Variants in NSD1 observed in about 807,000 individuals in gnomAD.
The protein encoded by NSD1 is histone-lysine N-methyltransferase, H3 lysine-36 specific.
NSD1 carries 26 observed loss-of-function variants against 242.7 expected under a neutral mutation model. The observed-to-expected ratio is 0.11, with a 90% CI of 0.08 to 0.15. NSD1 has a LOEUF of 0.15. NSD1 is among the 10% of genes least tolerant of loss of function. NSD1 has a pLI of 1.00. For missense variants in NSD1, 2,495 were observed against 3,272.8 expected, an observed-to-expected ratio of 0.76 and a Z score of 5.80; for synonymous variants, 1,106 against 1,178.1, an observed-to-expected ratio of 0.94 and a Z score of 1.25.
intron 22 of NSD1, among the ~76,000 whole-genome samples, chr5:177,292,938 T>A (rs1351882055): frequency 2.0e-5 from 3 of 152,180 alleles, no homozygotes; most frequent in Non-Finnish European, 2.9e-5. Context: ...TTGCAGAACG[T>A]TAAGAACTTT....
intron 5 of NSD1, among the ~76,000 whole-genome samples, chr5:177,213,717 C>T (rs149733401): frequency 0.018 from 2,780 of 152,210 alleles, 33 homozygotes; most frequent in Non-Finnish European, 0.028. Context: ...GTGATCCGCC[C>T]GCCTCCACCT....
intron 14 of NSD1, among the ~76,000 whole-genome samples, chr5:177,261,756 A>G (rs993794993): frequency 6.6e-6 from 1 of 152,198 alleles, no homozygotes; most frequent in African/African-American, 2.4e-5. Flanking sequence ...ACTATTTTCT[A>G]GTGATGAGAG....
intron 14 of NSD1, chr5:177,265,056 C>T: frequency 1.3e-6 from 1 of 758,336 alleles, no homozygotes; most frequent in Admixed American, 1.7e-5. Context: ...ATTAAGCACT[C>T]CTAAGAGCCA....
intron 2 of NSD1, among the ~76,000 whole-genome samples, chr5:177,167,781 G>A (rs571936295): frequency 1.3e-5 from 2 of 152,282 alleles, no homozygotes; most frequent in South Asian, 4.1e-4. Flanking sequence ...ATAGTAAGTC[G>A]AGCATCTGCA....
At chr5:177,192,360 G>C (rs761714352) in intron 3 of NSD1, among the ~76,000 whole-genome samples, 16 of 151,560 alleles carry the variant, frequency 1.1e-4, no homozygotes, top group Admixed American at 3.3e-4. Context: ...ACAGGCATCC[G>C]CCACCACGCT....
At chr5:177,156,542 C>G (rs575338828) in intron 2 of NSD1, among the ~76,000 whole-genome samples, 5 of 152,050 alleles carry the variant, frequency 3.3e-5, no homozygotes, top group African/African-American at 4.8e-5. Context: ...TGGCTTGGAG[C>G]GGTGGCTCAT....
In NSD1 at chr5:177,211,411, C is replaced by G; in HGVS notation, c.3012C>G (p.Asp1004Glu). ...SLPGLLSDKR[D>E]LPASGKSRSD... is the part of the protein sequence containing the mutation. ...CTGGCTTACTGTCCGACAAGAGAGA[C>G]CTCCCTGCTTCTGGTAAAAGTCGTT... The change falls in exon 5 of 23, where the codon GAC becomes GAG. Residue 1004 changes from aspartate (D) to glutamate (E), a missense_variant. Around this residue, in one of 19 missense-constraint regions of NSD1, gnomAD observed 426 missense variants for 411.4 expected, o/e 1.04. Coordinates refer to ENST00000439151, the MANE Select transcript of NSD1 (RefSeq NM_022455.5). 6.2e-7 allele frequency: 1 copy of G among 1,614,140 alleles called. No homozygotes were observed. Among genetic ancestry groups the G allele is most frequent in the Non-Finnish European group, 8.5e-7 (1 of 1,180,036 alleles).
intron 2 of NSD1, among the ~76,000 whole-genome samples, chr5:177,167,056 T>G (rs1759264843): frequency 6.6e-6 from 1 of 151,776 alleles, no homozygotes; most frequent in Non-Finnish European, 1.5e-5. Flanking sequence ...GTGCCAGACC[T>G]TGAGTTACTT....
chr5:177,292,353 C>T (rs1237374581), intron 22 of NSD1, among the ~76,000 whole-genome samples, 195 bp downstream of exon 22: 2 of 152,162 alleles, frequency 1.3e-5, no homozygotes, highest in East Asian at 1.9e-4. Context: ...AATGGGACAG[C>T]GGTGCACTTG....
chr5:177,178,638 C>G (rs1760407108), intron 2 of NSD1, among the ~76,000 whole-genome samples: 1 of 151,906 alleles, frequency 6.6e-6, no homozygotes, highest in Non-Finnish European at 1.5e-5. Flanking sequence ...AGGGTCTTAC[C>G]CTGTCACTGA....
intron 2 of NSD1, among the ~76,000 whole-genome samples, chr5:177,170,266 C>G (rs113248558): frequency 3.9e-5 from 6 of 152,200 alleles, no homozygotes; most frequent in African/African-American, 1.4e-4. Context: ...GCCACCGCGC[C>G]CAGCTGTGGT....
chr5:177,280,452 A>C (rs1758783197), intron 17 of NSD1, 113 bp from the exon 18 acceptor site: 2 of 1,201,330 alleles, frequency 1.7e-6, no homozygotes, highest in Admixed American at 1.7e-5. Context: ...TGATAGTTCA[A>C]AATCATGGGA....
chr5:177,279,949 T>G (rs571411586), intron 17 of NSD1, among the ~76,000 whole-genome samples: 1 of 150,134 alleles, frequency 6.7e-6, no homozygotes, highest in East Asian at 2.0e-4. Context: ...TTCAAAAAAA[T>G]TTTTAAAGTT....
chr5:177,270,388 GT>G (rs2149935639), intron 16 of NSD1, among the ~76,000 whole-genome samples: 1 of 152,332 alleles, frequency 6.6e-6, no homozygotes, highest in East Asian at 1.9e-4. Flanking sequence ...CTCTTACCAT[GT>G]AATGGAGAAA....
chr5:177,184,013 C>T (rs768448158), intron 2 of NSD1, among the ~76,000 whole-genome samples: 2 of 152,142 alleles, frequency 1.3e-5, no homozygotes, highest in African/African-American at 4.8e-5. Flanking sequence ...TGTATATGTA[C>T]CACATTTGCT....
chr5:177,286,297 T>A (rs754742714), intron 20 of NSD1, among the ~76,000 whole-genome samples: 1 of 152,236 alleles, frequency 6.6e-6, no homozygotes, highest in African/African-American at 2.4e-5. Flanking sequence ...GAGCCACTAG[T>A]TACTTTCGGG....
At chr5:177,206,331 A>T (rs1321770728) in intron 4 of NSD1, among the ~76,000 whole-genome samples, 1 of 152,034 alleles carries the variant, frequency 6.6e-6, no homozygotes, top group African/African-American at 2.4e-5. Context: ...TTGTAGAACG[A>T]CAAGGTCTTG....
At chr5:177,252,350 C>T in intron 12 of NSD1, among the ~76,000 whole-genome samples, 1 of 152,054 alleles carries the variant, frequency 6.6e-6, no homozygotes, top group East Asian at 1.9e-4. Flanking sequence ...AGCATGTTTA[C>T]TTCATCAACT....
chr5:177,267,026 G>A (rs1048916295), intron 14 of NSD1, among the ~76,000 whole-genome samples: 1 of 152,132 alleles, frequency 6.6e-6, no homozygotes, highest in African/African-American at 2.4e-5. Flanking sequence ...CACCACGCGT[G>A]GCTAATTTTT....
Sources: gnomAD v4.1 joint callset for allele counts (sites outside exome capture counted in the v4.1 genomes callset) on GRCh38, gnomAD v4.1.1 for gene constraint, gnomAD v4.1.1 regional missense constraint, MANE v1.5 for transcripts, NCBI Gene and HGNC (gene_info 2026-07-23, HGNC 2026-07-21) for gene names.